ACSF2: variants seen among roughly 807,000 people sequenced by gnomAD.
ACSF2 encodes medium-chain acyl-CoA ligase ACSF2, mitochondrial.
A neutral mutation model predicts 79.3 loss-of-function variants in ACSF2; 52 were observed. That is an observed-to-expected ratio of 0.66 (90% CI 0.53 to 0.83). The LOEUF is 0.83. Among genes scored for constraint, ACSF2 ranks in the 40% least tolerant of loss-of-function variants. ACSF2 has a pLI of 0.00. For synonymous variants in ACSF2, 283 were observed against 312.6 expected, an observed-to-expected ratio of 0.91 and a Z score of 1.00; for missense variants, 661 against 803.3, an observed-to-expected ratio of 0.82 and a Z score of 2.14.
chr17:50,467,534 TCA>T (rs1460592259), intron 10 of ACSF2, among the ~76,000 whole-genome samples: 1 of 152,050 alleles, frequency 6.6e-6, no homozygotes, highest in Non-Finnish European at 1.5e-5. Context: ...TTGCTTCCCC[TCA>T]CTCCCCAGTC....
At chr17:50,473,440 G>A (rs2033206607) in intron 12 of ACSF2, 1 of 573,278 alleles carries the variant, frequency 1.7e-6, no homozygotes, top group Non-Finnish European at 3.1e-6. Context: ...GTATAGATGT[G>A]TTGAGAGAGA....
At chr17:50,459,793 G>A (rs1314491204) in intron 1 of ACSF2, among the ~76,000 whole-genome samples, 2 of 152,162 alleles carry the variant, frequency 1.3e-5, no homozygotes, top group African/African-American at 4.8e-5. Context: ...GTAGCCACAT[G>A]TGAGAGGTGA....
chr17:50,437,776 A>G (rs1416943830), intron 1 of ACSF2, among the ~76,000 whole-genome samples: 1 of 152,234 alleles, frequency 6.6e-6, no homozygotes, highest in Non-Finnish European at 1.5e-5. Flanking sequence ...GTAGGAGATC[A>G]TCAAGCTCCT....
chr17:50,468,525 C>A, intron 10 of ACSF2: 1 of 1,614,240 alleles, frequency 6.2e-7, no homozygotes, highest in Non-Finnish European at 8.5e-7. Context: ...TGCTTGAGGC[C>A]GCGGAAGGCA....
intron 11 of ACSF2, 92 bp from the exon 12 acceptor site, chr17:50,472,336 T>A: frequency 2.1e-6 from 3 of 1,448,442 alleles, no homozygotes; most frequent in Non-Finnish European, 2.7e-6. Context: ...GGTTGGGGGG[T>A]TGGGGGCAGG....
intron 2 of ACSF2, 32 bp from the exon 3 acceptor site, chr17:50,461,209 CT>C: frequency 6.2e-7 from 1 of 1,613,908 alleles, no homozygotes; most frequent in Non-Finnish European, 8.5e-7. Context: ...TGCTTGCCCC[CT>C]TTCACCCCTT....
intron 1 of ACSF2, among the ~76,000 whole-genome samples, chr17:50,448,656 G>C (rs192948603): frequency 6.6e-6 from 1 of 152,190 alleles, no homozygotes; most frequent in South Asian, 2.1e-4. Flanking sequence ...TAAAATGAGG[G>C]TTACATATGT....
At chr17:50,451,183 C>T (rs570601831) in intron 1 of ACSF2, among the ~76,000 whole-genome samples, 1 of 152,322 alleles carries the variant, frequency 6.6e-6, no homozygotes, top group East Asian at 1.9e-4. Context: ...AAGCGATCCT[C>T]CCACCTTGGC....
chr17:50,472,016 C>T (rs1022573042), intron 11 of ACSF2: 6 of 167,296 alleles, frequency 3.6e-5, no homozygotes, highest in African/African-American at 1.4e-4. Context: ...CTTTCAGACT[C>T]TGTCTCTCCT....
chr17:50,444,636 AACACACACACACAC>A (rs72392656), intron 1 of ACSF2, among the ~76,000 whole-genome samples: 11 of 147,970 alleles, frequency 7.4e-5, no homozygotes, highest in African/African-American at 2.7e-4. Flanking sequence ...TCTCTCTGCA[AACACACACACACAC>A]ACACACACAC....
chr17:50,441,414 ATCCGCCCACCTTGGCT>A (rs1335636113), intron 1 of ACSF2, among the ~76,000 whole-genome samples: 2 of 152,220 alleles, frequency 1.3e-5, no homozygotes, highest in Non-Finnish European at 2.9e-5. Context: ...GGCTCAAGGG[ATCCGCCCACCTTGGCT>A]TCCCAAAGTG....
intron 1 of ACSF2, among the ~76,000 whole-genome samples, chr17:50,431,127 C>T (rs945969281): frequency 3.9e-5 from 6 of 152,152 alleles, no homozygotes; most frequent in Admixed American, 2.0e-4. Flanking sequence ...CTATGCATTC[C>T]ACTGGGGATC....
Position 50,426,393 on chromosome 17 carries a change from C to T in ACSF2, c.128+4C>T. 1.5e-6 allele frequency: 2 copies of T among 1,335,196 alleles called. No homozygotes were observed. The highest frequency in any genetic ancestry group is 1.9e-6 in the Non-Finnish European group (2 of 1,035,902). The allele number at this position is 1,335,196 out of a possible 1,614,324, so 82.7% of individuals were successfully genotyped here. ...TGCAGGGTGTCCGCTTCCTCAGGTA[C>T]TGGCCCCCCGCGGGAAGAGAGGGGG... On this transcript the variant is annotated splice_donor_region_variant and intron_variant, in intron 1 of 15. Coordinates refer to ENST00000300441, the MANE Select transcript of ACSF2 (RefSeq NM_025149.6).
Position 50,463,845 on chromosome 17 carries a change from G to A in ACSF2, c.1074G>A (p.Thr358=), listed in dbSNP as rs139044093. 18 of 1,614,010 alleles carry A rather than the reference G, an allele frequency of 1.1e-5. No individual in the cohort carries two copies. In the African/African-American group the frequency reaches 1.7e-4, roughly 16 times the overall value. ...ERGTFLYGTP[T]MFVDILNQPD... is the part of the protein sequence containing the mutation. The stretch of plus-strand genomic sequence containing the variant: ...GCACCTTCCTGTATGGTACCCCCAC[G>A]ATGTTCGTGGACATTCTGAACCAGC... The change falls in exon 9 of 16, where the codon ACG becomes ACA. Residue 358 remains threonine (T), a synonymous_variant. Coordinates refer to ENST00000300441, the MANE Select transcript of ACSF2 (RefSeq NM_025149.6). The surrounding 1 kb of genome is among the most constrained non-coding windows in gnomAD (Gnocchi z 4.6).
intron 1 of ACSF2, among the ~76,000 whole-genome samples, chr17:50,444,753 C>T (rs1338580778): frequency 6.6e-6 from 1 of 151,962 alleles, no homozygotes; most frequent in Non-Finnish European, 1.5e-5. Flanking sequence ...ACAAATGCCT[C>T]ATGTTTGTTT....
chr17:50,448,371 T>C (rs2031435701), intron 1 of ACSF2, among the ~76,000 whole-genome samples: 1 of 152,224 alleles, frequency 6.6e-6, no homozygotes, highest in Non-Finnish European at 1.5e-5. Flanking sequence ...CATGACTGTA[T>C]TTTAGAGTCC....
chr17:50,468,562 G>A (rs757006355), intron 10 of ACSF2: 1 of 1,614,238 alleles, frequency 6.2e-7, no homozygotes, highest in Non-Finnish European at 8.5e-7. Context: ...GGATCTGGCA[G>A]TGCTGCAGGT....
chr17:50,430,269 G>A (rs866758481), intron 1 of ACSF2, among the ~76,000 whole-genome samples: 1 of 152,222 alleles, frequency 6.6e-6, no homozygotes, highest in South Asian at 2.1e-4. Context: ...AGTAATATAA[G>A]TAGAGAGATT....
chr17:50,442,991 C>A (rs2031043580), intron 1 of ACSF2, among the ~76,000 whole-genome samples: 1 of 151,808 alleles, frequency 6.6e-6, no homozygotes, highest in African/African-American at 2.4e-5. Flanking sequence ...CTCACTACAA[C>A]CTCCGCCTCC....
Sources: gnomAD v4.1 joint callset for allele counts (sites outside exome capture counted in the v4.1 genomes callset) on GRCh38, gnomAD v4.1.1 for gene constraint, Gnocchi (gnomAD v3.1) non-coding constraint, MANE v1.5 for transcripts, NCBI Gene and HGNC (gene_info 2026-07-23, HGNC 2026-07-21) for gene names.